PDE4D: variants seen among roughly 807,000 people sequenced by gnomAD.
PDE4D encodes phosphodiesterase 4D.
In PDE4D, 24 loss-of-function variants were observed where a neutral mutation model predicts 87.4. The ratio of observed to expected loss-of-function variants is 0.27; its 90% CI spans 0.20 to 0.39. The LOEUF is 0.39. Ranked by LOEUF, PDE4D falls within the 10% of genes least tolerant of loss-of-function variation. The probability of loss-of-function intolerance (pLI) is 1.00; values close to 1 mark genes in which losing one functional copy is unlikely to be tolerated. For synonymous variants in PDE4D, 384 were observed against 383.2 expected, an observed-to-expected ratio of 1.00 and a Z score of -0.02; for missense variants, 714 against 1,041.0, an observed-to-expected ratio of 0.69 and a Z score of 4.32.
chr5:60,482,035 G>T (rs1748767970), intron 1 of PDE4D, among the ~76,000 whole-genome samples: 1 of 152,114 alleles, frequency 6.6e-6, no homozygotes, highest in Admixed American at 6.6e-5. Flanking sequence ...CATTGTTGTG[G>T]ACTGAATGTT....
rs568924828 is a variant in PDE4D at position 58,983,568 on chromosome 5, G to C, written c.1552+4925C>G. Among the ~76,000 whole-genome samples the C allele has an allele frequency of 1.2e-4, 19 of 152,324 alleles. 3 individuals carry two copies. The South Asian group carries it at 3.5e-3, about 28-fold the overall frequency. On this transcript the variant is annotated intron_variant, in intron 11 of 14. Transcript: ENST00000340635. ...GGCCTATATCTTTCTTTCAAAAGGA[G>C]AGTAGTTAGTTATCTTTCTTTGGAT...
At chr5:59,259,406 A>G (rs1389344440) in intron 1 of PDE4D, among the ~76,000 whole-genome samples, 1 of 151,946 alleles carries the variant, frequency 6.6e-6, no homozygotes, top group Non-Finnish European at 1.5e-5. Context: ...TTAATAGCTC[A>G]GCTCTATGTT....
intron 1 of PDE4D, among the ~76,000 whole-genome samples, chr5:60,260,866 A>G (rs903789274): frequency 6.6e-6 from 1 of 152,150 alleles, no homozygotes; most frequent in Non-Finnish European, 1.5e-5. Flanking sequence ...GAAAGGTATA[A>G]GAATAGTCTT....
intron 1 of PDE4D, among the ~76,000 whole-genome samples, chr5:59,702,576 A>G (rs1752739392): frequency 6.6e-6 from 1 of 152,102 alleles, no homozygotes; most frequent in African/African-American, 2.4e-5. Context: ...AATGTTTCCC[A>G]TGGCCAGATG....
chr5:60,315,845 T>C (rs541229129), intron 1 of PDE4D, among the ~76,000 whole-genome samples: 59 of 152,086 alleles, frequency 3.9e-4, no homozygotes, highest in African/African-American at 1.4e-3. Flanking sequence ...CATTGGTCTA[T>C]ATCTCTGTTT....
chr5:60,460,899 T>C (rs1277676571), intron 1 of PDE4D, among the ~76,000 whole-genome samples: 20 of 152,180 alleles, frequency 1.3e-4, no homozygotes, highest in Admixed American at 1.3e-3. Context: ...ATTAATAGCA[T>C]AAATGTCCAT....
At chr5:60,414,659 G>A (rs1264291506) in intron 1 of PDE4D, among the ~76,000 whole-genome samples, 1 of 152,154 alleles carries the variant, frequency 6.6e-6, no homozygotes, top group Non-Finnish European at 1.5e-5. Flanking sequence ...AACACTCCAG[G>A]TATCTGGAGT....
chr5:60,311,137 C>T (rs1754997442), intron 1 of PDE4D, among the ~76,000 whole-genome samples: 1 of 152,140 alleles, frequency 6.6e-6, no homozygotes, highest in Admixed American at 6.5e-5. Flanking sequence ...CCTGCCTCAG[C>T]CTCCCCAGGG....
At chr5:59,075,799 C>T (rs1055868011) in intron 5 of PDE4D, among the ~76,000 whole-genome samples, 21 of 151,962 alleles carry the variant, frequency 1.4e-4, no homozygotes, top group African/African-American at 4.8e-4. Context: ...CTAAATATTC[C>T]TTATAACTTA....
At chr5:59,912,993 G>A (rs1753619717) in intron 3 of PDE4D, among the ~76,000 whole-genome samples, 1 of 152,160 alleles carries the variant, frequency 6.6e-6, no homozygotes, top group South Asian at 2.1e-4. Flanking sequence ...GAATGACATG[G>A]AGGAACCAGA....
chr5:59,110,135 G>C (rs1580843534), intron 5 of PDE4D, among the ~76,000 whole-genome samples: 1 of 152,148 alleles, frequency 6.6e-6, no homozygotes, highest in African/African-American at 2.4e-5. Context: ...CCCATAAGAG[G>C]GAGAATGCGT....
At chr5:59,030,286 A>G (rs1407080302) in intron 6 of PDE4D, among the ~76,000 whole-genome samples, 1 of 152,076 alleles carries the variant, frequency 6.6e-6, no homozygotes, top group Non-Finnish European at 1.5e-5. Flanking sequence ...CATACATCTG[A>G]TAAGAGGCTA....
At chr5:59,658,330 C>A (rs1744705076) in intron 1 of PDE4D, among the ~76,000 whole-genome samples, 2 of 151,830 alleles carry the variant, frequency 1.3e-5, no homozygotes, top group Admixed American at 1.3e-4. Flanking sequence ...GAATTAAAAC[C>A]CTCAAGTCTG....
Position 59,746,064 on chromosome 5 carries a change from T to C in PDE4D, c.455+147104A>G, listed in dbSNP as rs577494896. On this transcript the variant is annotated intron_variant, in intron 1 of 14. Transcript: ENST00000340635. ...AATATCATTGTGATAATTATGTGTA[T>C]AAACTGTTGTGACAAATGCAATATA... Among the ~76,000 whole-genome samples, 158 of 152,322 alleles carry C rather than the reference T, an allele frequency of 1.0e-3. 1 individual carries two copies. Among genetic ancestry groups the C allele is most frequent in the African/African-American group, 3.7e-3 (155 of 41,576 alleles).
intron 1 of PDE4D, among the ~76,000 whole-genome samples, chr5:60,499,244 G>A (rs1253860787): frequency 6.6e-6 from 1 of 152,202 alleles, no homozygotes; most frequent in Non-Finnish European, 1.5e-5. Context: ...TTTGTGCCAG[G>A]AGATGTGCAT....
chr5:59,762,237 T>C lies in PDE4D; in HGVS notation c.455+130931A>G, dbSNP rs544939797. On this transcript the variant is annotated intron_variant, in intron 1 of 14. Transcript: ENST00000340635. Reference sequence around the variant, plus strand: ...GTGTATATGGGTACACATATGCGTATATGTGTATATGGGTACACATATGCG... The same window carrying C: ...GTGTATATGGGTACACATATGCGTACATGTGTATATGGGTACACATATGCG... Among the ~76,000 whole-genome samples, 368 of 109,666 alleles carry C rather than the reference T, an allele frequency of 3.4e-3. 10 individuals carry two copies. The highest frequency in any genetic ancestry group is 1.0e-3 in the Non-Finnish European group (48 of 46,568). The allele number at this position is 109,666 out of a possible 152,430, so 71.9% of individuals were successfully genotyped here.
intron 1 of PDE4D, among the ~76,000 whole-genome samples, chr5:59,338,561 T>G (rs547904935): frequency 6.6e-6 from 1 of 152,248 alleles, no homozygotes; most frequent in African/African-American, 2.4e-5. Flanking sequence ...CGTCATTAGC[T>G]TTTGAAAGTC....
intron 1 of PDE4D, among the ~76,000 whole-genome samples, chr5:59,377,743 G>C (rs949244261): frequency 2.0e-5 from 3 of 152,144 alleles, no homozygotes; most frequent in East Asian, 3.8e-4. Context: ...CTCATCATTA[G>C]AGAAATGCAA....
At chr5:60,092,833 T>A (rs1289368916) in intron 2 of PDE4D, among the ~76,000 whole-genome samples, 2 of 152,190 alleles carry the variant, frequency 1.3e-5, no homozygotes, top group Non-Finnish European at 2.9e-5. Context: ...TGGAGCAAGA[T>A]TCATAGACTT....
Sources: gnomAD v4.1 joint callset for allele counts (sites outside exome capture counted in the v4.1 genomes callset) on GRCh38, gnomAD v4.1.1 for gene constraint, MANE v1.5 for transcripts, NCBI Gene and HGNC (gene_info 2026-07-23, HGNC 2026-07-21) for gene names.